Variants in SCAPER observed in about 807,000 individuals in gnomAD.
The protein encoded by SCAPER is S phase cyclin A-associated protein in the endoplasmic reticulum.
A neutral mutation model predicts 182.2 loss-of-function variants in SCAPER; 98 were observed. That is an observed-to-expected ratio of 0.54 (90% CI 0.46 to 0.64). The LOEUF is 0.64. Among genes scored for constraint, SCAPER ranks in the 30% least tolerant of loss-of-function variants. The pLI, the probability that SCAPER is intolerant of heterozygous loss-of-function variation, is 0.00. For missense variants in SCAPER, 1,432 were observed against 1,690.0 expected, an observed-to-expected ratio of 0.85 and a Z score of 2.68; for synonymous variants, 605 against 564.6, an observed-to-expected ratio of 1.07 and a Z score of -1.01.
rs1376828271 is a variant in SCAPER at position 76,857,860 on chromosome 15, A to C, written c.144T>G (p.Thr48=). 9.7e-6 allele frequency: 15 copies of C among 1,546,676 alleles called. No homozygotes were observed. In the Admixed American group the frequency reaches 1.2e-4, roughly 12 times the overall value. Residue 48 remains threonine, a synonymous_variant, in exon 4 of 32, where the codon ACT becomes ACG. Transcript: ENST00000563290. The stretch of plus-strand genomic sequence containing the variant: ...GAATGGTCCTCTTAGATTTTCCACC[A>C]GTTTGACATTTAGGTTTTCCTTCAA... ...KDDDGKPKCQ[T]GGKSKRTIQG... is the part of the protein sequence containing the mutation.
intron 22 of SCAPER, among the ~76,000 whole-genome samples, chr15:76,576,030 C>T (rs2047794485): frequency 6.6e-6 from 1 of 152,178 alleles, no homozygotes; most frequent in Non-Finnish European, 1.5e-5. Flanking sequence ...TTAATAAATT[C>T]ATGTCCTACA....
In SCAPER at chr15:76,352,687, T is replaced by G. The variant is rs370150116; in HGVS notation, c.4047+1262A>C. Among the ~76,000 whole-genome samples, 55 of 152,030 alleles carry G rather than the reference T, an allele frequency of 3.6e-4. 4 individuals carry two copies. The South Asian group carries it at 0.012, about 32-fold the overall frequency. ...CTGGTCGCAAACTCCTGACCTCAAG[T>G]GATCTGCTCACCCCGGCCTCCCAAA... is the stretch of plus-strand genomic sequence containing the variant. On this transcript the variant is annotated intron_variant, in intron 30 of 31. Coordinates refer to ENST00000563290, the MANE Select transcript of SCAPER (RefSeq NM_020843.4).
At chr15:76,721,323 CTGTAGCCT>C (rs1316062494) in intron 17 of SCAPER, among the ~76,000 whole-genome samples, 6 of 152,038 alleles carry the variant, frequency 3.9e-5, no homozygotes, top group Admixed American at 1.3e-4. Context: ...GTTTTGGTTA[CTGTAGCCT>C]TGTAGTATAG....
chr15:76,884,146 TTAC>T (rs1171228928), intron 1 of SCAPER, among the ~76,000 whole-genome samples: 10 of 152,194 alleles, frequency 6.6e-5, no homozygotes, highest in Admixed American at 1.3e-4. Context: ...CCAAACTTTC[TTAC>T]TACAACCCAT....
At chr15:76,656,706 C>T (rs905570927) in intron 21 of SCAPER, among the ~76,000 whole-genome samples, 1 of 152,064 alleles carries the variant, frequency 6.6e-6, no homozygotes, top group Non-Finnish European at 1.5e-5. Context: ...AATCTCAGAC[C>T]ACAGCACCAC....
At chr15:76,406,881 CTGGTTCCAGGA>C (rs1331323337) in intron 26 of SCAPER, among the ~76,000 whole-genome samples, 1 of 152,176 alleles carries the variant, frequency 6.6e-6, no homozygotes, top group African/African-American at 2.4e-5. Flanking sequence ...GCCATAATGA[CTGGTTCCAGGA>C]TGAGTATATG....
chr15:76,699,585 C>A (rs564850774), intron 20 of SCAPER, among the ~76,000 whole-genome samples: 2 of 152,324 alleles, frequency 1.3e-5, no homozygotes, highest in East Asian at 1.9e-4. Flanking sequence ...GTTCAGTGAA[C>A]TGGCTCTGCT....
rs188505179 is a variant in SCAPER at position 76,807,477 on chromosome 15, T to C, written c.394-2844A>G. The stretch of plus-strand genomic sequence containing the variant: ...TTACTCTGTTGAGAATTTTTATGTC[T>C]GTATTTGTAAAAAATATTGCTTAAC... On this transcript the variant is annotated intron_variant, in intron 5 of 31. Transcript: ENST00000563290. 2.3e-3 allele frequency among the ~76,000 whole-genome samples: 348 copies of C among 152,304 alleles called. 1 individual carries two copies. Among genetic ancestry groups the C allele is most frequent in the African/African-American group, 8.0e-3 (334 of 41,568 alleles).
chr15:76,512,595 G>A (rs1301054099), intron 23 of SCAPER, among the ~76,000 whole-genome samples: 1 of 152,024 alleles, frequency 6.6e-6, no homozygotes, highest in Non-Finnish European at 1.5e-5. Flanking sequence ...CACTGCAGAA[G>A]TGGAGGGGAA....
intron 22 of SCAPER, among the ~76,000 whole-genome samples, chr15:76,600,456 T>A (rs534058564): frequency 0.033 from 2,953 of 89,896 alleles, 438 homozygotes; most frequent in African/African-American, 0.072. Flanking sequence ...TATATATATT[T>A]TTTTTTTTTT....
chr15:76,877,138 G>C (rs750051218), intron 2 of SCAPER, among the ~76,000 whole-genome samples: 30 of 151,824 alleles, frequency 2.0e-4, no homozygotes, highest in Non-Finnish European at 3.8e-4. Flanking sequence ...TTGAGCCCAG[G>C]AGGTCGAGGC....
intron 23 of SCAPER, among the ~76,000 whole-genome samples, chr15:76,518,717 G>C (rs1007132998): frequency 1.3e-5 from 2 of 152,194 alleles, no homozygotes; most frequent in African/African-American, 4.8e-5. Flanking sequence ...AGAAGGTAAA[G>C]ATGAACCACC....
intron 9 of SCAPER, among the ~76,000 whole-genome samples, chr15:76,772,533 G>A (rs184969182): frequency 5.5e-4 from 84 of 151,970 alleles, no homozygotes; most frequent in African/African-American, 1.6e-3. Context: ...CCAATTCTCC[G>A]ATCTGAAAGA....
intron 22 of SCAPER, among the ~76,000 whole-genome samples, chr15:76,589,053 T>C (rs2048906776): frequency 6.6e-6 from 1 of 152,130 alleles, no homozygotes; most frequent in Non-Finnish European, 1.5e-5. Flanking sequence ...TCCAGGCTGG[T>C]ACTGGGGGGT....
chr15:76,567,360 T>C (rs1272799072), intron 23 of SCAPER: 1 of 454,594 alleles, frequency 2.2e-6, no homozygotes, highest in African/African-American at 2.0e-5. Context: ...CATTTGTGTA[T>C]ATCTTGCCTG....
At chr15:76,825,221 A>G (rs2067900149) in intron 5 of SCAPER, among the ~76,000 whole-genome samples, 1 of 152,152 alleles carries the variant, frequency 6.6e-6, no homozygotes, top group East Asian at 1.9e-4. Flanking sequence ...CAACCTCTTC[A>G]TTTATGAACA....
chr15:76,715,386 G>T (rs1215747592), intron 17 of SCAPER, among the ~76,000 whole-genome samples: 1 of 152,052 alleles, frequency 6.6e-6, no homozygotes, highest in Non-Finnish European at 1.5e-5. Context: ...GGATTCAGAA[G>T]CTCGGCTGAG....
intron 23 of SCAPER, among the ~76,000 whole-genome samples, chr15:76,507,659 C>A (rs370202685): frequency 1.1e-3 from 174 of 152,248 alleles, no homozygotes; most frequent in South Asian, 8.5e-3. Context: ...GCAGTGTAAT[C>A]AAATGCTTAT....
At chr15:76,400,135 G>C (rs150460635) in intron 27 of SCAPER, among the ~76,000 whole-genome samples, 101 of 152,346 alleles carry the variant, frequency 6.6e-4, no homozygotes, top group African/African-American at 2.2e-3. Context: ...TGGGCCACCA[G>C]CAGACTGCAG....
Sources: gnomAD v4.1 joint callset for allele counts (sites outside exome capture counted in the v4.1 genomes callset) on GRCh38, gnomAD v4.1.1 for gene constraint, MANE v1.5 for transcripts, NCBI Gene and HGNC (gene_info 2026-07-23, HGNC 2026-07-21) for gene names.